The following ATP8A1 variants were observed in gnomAD, a reference collection of about 807,000 sequenced individuals.
ATP8A1 encodes phospholipid-transporting ATPase IA.
Under a neutral mutation model 177.7 loss-of-function variants are expected in ATP8A1, and 90 were observed. The ratio of observed to expected loss-of-function variants is 0.51; its 90% CI spans 0.43 to 0.60. ATP8A1 has a LOEUF of 0.60. Ranked by LOEUF, ATP8A1 falls within the 20% of genes least tolerant of loss-of-function variation. The pLI is 0.00. For missense variants in ATP8A1, 1,072 were observed against 1,392.8 expected (o/e 0.77, Z 3.67); for synonymous variants, 493 against 485.9 (o/e 1.01, Z -0.19).
intron 20 of ATP8A1, among the ~76,000 whole-genome samples, chr4:42,530,973 G>C (rs964000346): frequency 6.6e-6 from 1 of 152,180 alleles, no homozygotes; most frequent in Non-Finnish European, 1.5e-5. Context: ...CTGTTATCAG[G>C]AGACACAACA....
rs1291076014 is a variant in ATP8A1 at position 42,556,026 on chromosome 4, A to G, written c.1355T>C (p.Phe452Ser). Residue 452 changes from phenylalanine to serine, a missense_variant, in exon 16 of 37, where the codon TTT (phenylalanine) becomes TCT (serine). Around this residue, in one of 5 missense-constraint regions of ATP8A1, gnomAD observed 388 missense variants for 471.7 expected, o/e 0.82. Coordinates refer to ENST00000381668, the MANE Select transcript of ATP8A1 (RefSeq NM_006095.2). The stretch of plus-strand genomic sequence containing the variant: ...ATCACTAAATGTTTTTTCATCTCCA[A>G]ACTGTGAGTTCTGCCTGAAGGGGGT... ...CSPDEWQNSQ[F>S]GDEKTFSDSS... 1 of 1,611,664 alleles carries G rather than the reference A, an allele frequency of 6.2e-7. No homozygotes were observed. The highest frequency in any genetic ancestry group is 2.2e-5 in the East Asian group (1 of 44,642).
intron 24 of ATP8A1, among the ~76,000 whole-genome samples, chr4:42,494,162 C>CAAAAAAAAA (rs397993131): frequency 1.9e-5 from 1 of 53,456 alleles, no homozygotes. Flanking sequence ...GATCATGCCA[C>CAAAAAAAAA]AAAAAAAAAA....
intron 24 of ATP8A1, among the ~76,000 whole-genome samples, chr4:42,499,880 AACAG>A (rs1200782081): frequency 5.3e-5 from 8 of 152,220 alleles, no homozygotes; most frequent in Non-Finnish European, 1.0e-4. Context: ...TTCCAGATTT[AACAG>A]ACAGACTTTA....
chr4:42,618,792 T>G (rs1737165709), intron 4 of ATP8A1, among the ~76,000 whole-genome samples: 1 of 152,218 alleles, frequency 6.6e-6, no homozygotes, highest in Non-Finnish European at 1.5e-5. Flanking sequence ...AAAAATGTAC[T>G]AAATTCATTT....
chr4:42,444,123 C>T (rs6857419), intron 32 of ATP8A1, among the ~76,000 whole-genome samples: 3,852 of 152,202 alleles, frequency 0.025, 152 homozygotes, highest in African/African-American at 0.086. Context: ...CTCTACTGGA[C>T]GGGGGTACAC....
chr4:42,512,418 G>T (rs1725097162), intron 22 of ATP8A1, among the ~76,000 whole-genome samples: 1 of 152,128 alleles, frequency 6.6e-6, no homozygotes, highest in South Asian at 2.1e-4. Context: ...CACATTTCAG[G>T]ATTAGCTCCT....
intron 30 of ATP8A1, among the ~76,000 whole-genome samples, chr4:42,448,633 A>G (rs567276697): frequency 6.8e-6 from 1 of 147,446 alleles, no homozygotes; most frequent in African/African-American, 2.5e-5. Context: ...CCTGACCTCA[A>G]GTGGTCCACC....
chr4:42,443,790 T>C (rs1716905313), intron 32 of ATP8A1, 118 bp from the exon 33 acceptor site: 1 of 592,714 alleles, frequency 1.7e-6, no homozygotes, highest in African/African-American at 1.9e-5. Flanking sequence ...AAATATTATC[T>C]ATAGGAGTTT....
Position 42,411,501 on chromosome 4 carries a change from C to T in ATP8A1, c.*1415G>A, listed in dbSNP as rs559421014. 6.6e-6 allele frequency: 1 copy of T among 152,098 alleles called. No individual in the cohort carries two copies. Among genetic ancestry groups the T allele is most frequent in the South Asian group, 2.1e-4 (1 of 4,810 alleles). 9.4% of individuals were successfully genotyped at this position (152,098 alleles called of 1,614,324 possible). A position where few individuals can be genotyped will look rare whatever the true frequency, so the allele number is the denominator to read the frequency against. ...TCTGAAGTGTATCTGAAAACTAATTCCTTTTTTTCAAATGAAAGTATTATT... is the reference window on the plus strand; with the variant it reads ...TCTGAAGTGTATCTGAAAACTAATTTCTTTTTTTCAAATGAAAGTATTATT... On this transcript the variant is annotated 3_prime_UTR_variant, in exon 37 of 37. Transcript: ENST00000381668.
At chr4:42,594,236 C>G in intron 6 of ATP8A1, 2 of 987,086 alleles carry the variant, frequency 2.0e-6, no homozygotes, top group East Asian at 4.9e-5. Context: ...AAGGTCAATG[C>G]AGGGTAGAGA....
chr4:42,576,331 C>T (rs529487950), intron 12 of ATP8A1, among the ~76,000 whole-genome samples: 1 of 151,718 alleles, frequency 6.6e-6, no homozygotes, highest in South Asian at 2.1e-4. Flanking sequence ...AAAAAATCAG[C>T]CGGGAGTGGT....
chr4:42,459,539 TGAG>T (rs1181896164), intron 27 of ATP8A1: 1 of 346,264 alleles, frequency 2.9e-6, no homozygotes, highest in Admixed American at 3.3e-5. Context: ...TGTTCTGGAA[TGAG>T]AAGAACATAT....
chr4:42,461,921 G>A (rs909284778), intron 27 of ATP8A1, among the ~76,000 whole-genome samples: 3 of 152,168 alleles, frequency 2.0e-5, no homozygotes, highest in African/African-American at 4.8e-5. Context: ...GAGCAAAGGC[G>A]ACTCTTGGTA....
At chr4:42,569,713 A>G (rs768934724) in intron 14 of ATP8A1, among the ~76,000 whole-genome samples, 1 of 152,246 alleles carries the variant, frequency 6.6e-6, no homozygotes, top group Non-Finnish European at 1.5e-5. Flanking sequence ...CTGCATTTCT[A>G]TAATTAAATG....
Position 42,581,664 on chromosome 4 carries a change from T to A in ATP8A1, c.791A>T (p.His264Leu). ...GAQLRNTQWV[H>L]GIVVYTGHDT... ...ATGTCCAGTGTAGACAACTATTCCA[T>A]GAACCCACTGTGTATTTCTCAACTG... Residue 264 changes from histidine to leucine, a missense_variant, in exon 10 of 37, where the codon CAT (histidine) becomes CTT (leucine). By Grantham distance (99) the His-to-Leu change is moderately conservative. Transcript: ENST00000381668. 1 of 1,614,176 alleles carries A rather than the reference T, an allele frequency of 6.2e-7. No individual in the cohort carries two copies. The highest frequency in any genetic ancestry group is 8.5e-7 in the Non-Finnish European group (1 of 1,179,998).
rs1283680415 is a variant in ATP8A1, at chr4:42,425,520, TC to T, written c.3124-1816del. 2.0e-5 allele frequency among the ~76,000 whole-genome samples: 3 copies of T among 152,184 alleles called. No individual in the cohort carries two copies. In the East Asian group the frequency reaches 5.8e-4, roughly 29 times the overall value. ...AACCTAAAAGATTTAAAGCCGACAT[TC>T]GCATTAAAGACAGAGAGTCTCTTTG... On this transcript the variant is annotated intron_variant, in intron 33 of 36. Transcript: ENST00000381668.
intron 3 of ATP8A1, 109 bp from the exon 4 acceptor site, chr4:42,624,743 T>C: frequency 1.9e-6 from 1 of 516,472 alleles, no homozygotes. Context: ...CTGATTTTAC[T>C]ATCTTGGCCG....
At chr4:42,565,009 G>A (rs771477070) in intron 15 of ATP8A1, among the ~76,000 whole-genome samples, 2 of 152,106 alleles carry the variant, frequency 1.3e-5, no homozygotes, top group Non-Finnish European at 2.9e-5. Flanking sequence ...GAGTTTTCCT[G>A]CACAAGCTCT....
chr4:42,564,871 C>A (rs773701544), intron 15 of ATP8A1, among the ~76,000 whole-genome samples: 3 of 152,132 alleles, frequency 2.0e-5, no homozygotes, highest in Non-Finnish European at 4.4e-5. Flanking sequence ...CCAAATCTCA[C>A]CTTGAATTCC....
Sources: allele counts gnomAD v4.1 joint callset (sites outside exome capture counted in the v4.1 genomes callset), GRCh38; gene constraint gnomAD v4.1.1; regional missense constraint gnomAD v4.1.1; transcripts MANE v1.5; gene names NCBI Gene and HGNC (gene_info 2026-07-23, HGNC 2026-07-21).